Variants in ESPN observed in about 807,000 individuals in gnomAD.
The protein encoded by ESPN is espin.
A neutral mutation model predicts 77.7 loss-of-function variants in ESPN; 68 were observed. The ratio of observed to expected loss-of-function variants is 0.87; its 90% CI spans 0.72 to 1.07. ESPN has a LOEUF of 1.07. ESPN is among the 50% of genes least tolerant of loss of function. The pLI, the probability that ESPN is intolerant of heterozygous loss-of-function variation, is 0.00. For synonymous variants in ESPN, 449 were observed against 567.1 expected (o/e 0.79, Z 2.96); for missense variants, 1,060 against 1,239.0 (o/e 0.86, Z 2.17).
intron 10 of ESPN, chr1:6,454,976 C>T (rs1644024002): frequency 2.6e-6 from 1 of 379,908 alleles, no homozygotes; most frequent in Non-Finnish European, 4.7e-6. Flanking sequence ...GCGCCACCTA[C>T]GAGCTGCGCG....
At chr1:6,445,257 C>T (rs947778941) in intron 6 of ESPN, among the ~76,000 whole-genome samples, 7 of 152,236 alleles carry the variant, frequency 4.6e-5, no homozygotes, top group Admixed American at 3.9e-4. Flanking sequence ...CCTGACCGTG[C>T]CCTGAGCATG....
At chr1:6,458,303 C>T (rs1644090555) in intron 12 of ESPN, among the ~76,000 whole-genome samples, 1 of 151,784 alleles carries the variant, frequency 6.6e-6, no homozygotes. Context: ...TAGGCATGAG[C>T]CACCAAGTCT....
At chr1:6,445,596 G>A (rs1231730340) in intron 6 of ESPN, 68 bp from the exon 7 acceptor site, 50 of 1,548,830 alleles carry the variant, frequency 3.2e-5, no homozygotes, top group Non-Finnish European at 4.3e-5. Context: ...AGGTGGTGGA[G>A]AGTCTCAGTC....
At chr1:6,461,298 G>A (rs1644164499), downstream of ESPN, 3 of 1,137,916 alleles carry the variant, frequency 2.6e-6, no homozygotes, top group South Asian at 2.7e-5. This position sits in a 1 kb window ranked among gnomAD's most constrained non-coding sequence, Gnocchi z 6.3. Context: ...GAGCAGGGGT[G>A]GGGCCGGCTG....
At chr1:6,440,467 A>T (rs778292871) in intron 3 of ESPN, 27 bp downstream of exon 3, 60 of 1,460,540 alleles carry the variant, frequency 4.1e-5, no homozygotes, top group Non-Finnish European at 4.7e-5. Context: ...GGCGGGGAGC[A>T]GGGGAGGCGG....
intron 6 of ESPN, among the ~76,000 whole-genome samples, chr1:6,445,180 G>A (rs911036838): frequency 5.3e-5 from 8 of 152,174 alleles, no homozygotes; most frequent in Non-Finnish European, 8.8e-5. Flanking sequence ...GCACAAATGC[G>A]TACCCCCTCA....
In ESPN at chr1:6,428,427, C is replaced by T. The variant is rs1643120559; in HGVS notation, c.488+8C>T. On this transcript the variant is annotated splice_region_variant and intron_variant, in intron 2 of 12. Transcript: ENST00000645284. The surrounding 1 kb of genome is among the most constrained non-coding windows in gnomAD (Gnocchi z 5.4). ...CGTCGAGCACTACCCTGAGTAAGAT[C>T]ACCCCTCTTAAGGGGTCCTCTGGGT... 1 of 1,606,064 alleles carries T rather than the reference C, an allele frequency of 6.2e-7. No homozygotes were observed. Among genetic ancestry groups the T allele is most frequent in the Admixed American group, 1.7e-5 (1 of 59,726 alleles).
In ESPN at chr1:6,460,371, C is replaced by T; in HGVS notation, c.*225C>T. ...AGAAAAAGTGCCCAAGCTGCTGACG[C>T]AAACAACAACAAATGCTGCTTATTT... On this transcript the variant is annotated 3_prime_UTR_variant, in exon 13 of 13. Coordinates refer to ENST00000645284, the MANE Select transcript of ESPN (RefSeq NM_031475.3). 1 of 579,204 alleles carries T rather than the reference C, an allele frequency of 1.7e-6. No homozygotes were observed. Among genetic ancestry groups the T allele is most frequent in the Non-Finnish European group, 3.1e-6 (1 of 325,122 alleles). 35.9% of individuals were successfully genotyped at this position (579,204 alleles called of 1,614,324 possible). A position where few individuals can be genotyped will look rare whatever the true frequency, so the allele number is the denominator to read the frequency against.
At chr1:6,454,033 G>A (rs568273894) in intron 10 of ESPN, among the ~76,000 whole-genome samples, 6 of 152,200 alleles carry the variant, frequency 3.9e-5, no homozygotes, top group Non-Finnish European at 5.9e-5. Context: ...AGTCTGGGAG[G>A]AGAGGCCTCA....
At chr1:6,456,019 C>G (rs1469736464) in intron 10 of ESPN, 3 of 397,028 alleles carry the variant, frequency 7.6e-6, no homozygotes, top group African/African-American at 6.2e-5. Flanking sequence ...CCGCCGCCGC[C>G]GCCCCCGCCC....
chr1:6,442,276 T>TA (rs1034497826), intron 5 of ESPN, among the ~76,000 whole-genome samples: 2 of 151,998 alleles, frequency 1.3e-5, no homozygotes, highest in African/African-American at 4.8e-5. Context: ...CACAGTACAT[T>TA]AAAAAAATAG....
Position 6,440,805 on chromosome 1 carries a change from A to G in ESPN, c.855A>G (p.Leu285=). 6.7e-7 allele frequency: 1 copy of G among 1,498,622 alleles called. No homozygotes were observed. The highest frequency in any genetic ancestry group is 2.2e-5 in the Admixed American group (1 of 45,672). The allele number at this position is 1,498,622 out of a possible 1,614,324, so 92.8% of individuals were successfully genotyped here. A position where few individuals can be genotyped will look rare whatever the true frequency, so the allele number is the denominator to read the frequency against. Residue 285 remains leucine (L), a synonymous_variant, in exon 4 of 13, where the codon CTA becomes CTG. Transcript: ENST00000645284. ...ACGACGCCGCCGAGAACGGGGAGCT[A>G]GAGGTCAGCGCGGGCCCGGGGTGGG... ...PLHDAAENGE[L]ECCQILVVNG...
intron 2 of ESPN, among the ~76,000 whole-genome samples, chr1:6,431,061 C>T (rs1188588037): frequency 6.6e-6 from 1 of 152,226 alleles, no homozygotes; most frequent in African/African-American, 2.4e-5. Flanking sequence ...ACACCTGCTT[C>T]TGGCTGCCCC....
rs767183398 is a variant in ESPN at position 6,457,345 on chromosome 1, C to CTCTT, written c.2406-14_2406-11dup. The CTCTT allele has an allele frequency of 5.8e-5, 94 of 1,614,136 alleles. No individual in the cohort carries two copies. In the East Asian group the frequency reaches 2.0e-3, roughly 35 times the overall value. On this transcript the variant is annotated splice_polypyrimidine_tract_variant and intron_variant, in intron 11 of 12. Transcript: ENST00000645284. ...AGGTGGAGGTACCAAGTGACACTGT[C>CTCTT]TCTTTTTCCTTCCAGGGAGCAGAAG... is the stretch of plus-strand genomic sequence containing the variant.
chr1:6,444,359 C>T (rs1017080350), intron 5 of ESPN, 122 bp from the exon 6 acceptor site: 3 of 923,364 alleles, frequency 3.2e-6, no homozygotes, highest in Non-Finnish European at 5.2e-6. Flanking sequence ...GAAGAGACCC[C>T]AGAGAGCGGT....
At chr1:6,458,998 T>C (rs370513696) in intron 12 of ESPN, among the ~76,000 whole-genome samples, 311 of 150,840 alleles carry the variant, frequency 2.1e-3, no homozygotes, top group African/African-American at 6.6e-3. Context: ...CCCAGCACTT[T>C]GGGAGGCGGA....
At chr1:6,461,247 A>G, downstream of ESPN, 1 of 777,656 alleles carries the variant, frequency 1.3e-6, no homozygotes. The surrounding 1 kb of genome is among the most constrained non-coding windows in gnomAD (Gnocchi z 6.3). Flanking sequence ...CCCTCTCGAC[A>G]TTCGTTCGTG....
intron 5 of ESPN, among the ~76,000 whole-genome samples, chr1:6,442,571 T>TAA (rs869219412): frequency 0.028 from 2,184 of 77,888 alleles, 76 homozygotes; most frequent in African/African-American, 0.095. Flanking sequence ...AGACTCCTTC[T>TAA]AAAAAAAAAA....
chr1:6,427,077 G>A lies in ESPN; in HGVS notation c.295-1149G>A, dbSNP rs532134370. Among the ~76,000 whole-genome samples the A allele has an allele frequency of 3.3e-5, 5 of 152,052 alleles. No homozygotes were observed. The highest frequency in any genetic ancestry group is 7.2e-5 in the African/African-American group (3 of 41,472). On this transcript the variant is annotated intron_variant, in intron 1 of 12. Coordinates refer to ENST00000645284, the MANE Select transcript of ESPN (RefSeq NM_031475.3). This position sits in a 1 kb window ranked among gnomAD's most constrained non-coding sequence, Gnocchi z 4.6. Reference sequence around the variant, plus strand: ...GAGCCTCAGAGGTTCTCTTCCCACCGTGATTTGACTTCCTGAGGCCTGGGG... The same window carrying A: ...GAGCCTCAGAGGTTCTCTTCCCACCATGATTTGACTTCCTGAGGCCTGGGG...
Sources: gnomAD v4.1 joint callset for allele counts (sites outside exome capture counted in the v4.1 genomes callset) on GRCh38, gnomAD v4.1.1 for gene constraint, Gnocchi (gnomAD v3.1) non-coding constraint, MANE v1.5 for transcripts, NCBI Gene and HGNC (gene_info 2026-07-23, HGNC 2026-07-21) for gene names.